Variants in PDZD8 observed in about 807,000 individuals in gnomAD.
PDZD8 encodes PDZ domain containing 8.
Under a neutral mutation model 85.8 loss-of-function variants are expected in PDZD8, and 14 were observed. The observed-to-expected ratio is 0.16, with a 90% confidence interval of 0.11 to 0.26. The LOEUF is 0.26. Ranked by LOEUF, PDZD8 falls within the 10% of genes least tolerant of loss-of-function variation. The probability of loss-of-function intolerance (pLI) is 1.00; values close to 1 mark genes in which losing one functional copy is unlikely to be tolerated. For missense variants in PDZD8, 1,197 were observed against 1,424.3 expected, an observed-to-expected ratio of 0.84 and a Z score of 2.57; for synonymous variants, 592 against 568.6, an observed-to-expected ratio of 1.04 and a Z score of -0.59.
chr10:117,309,863 T>C (rs1226636588), intron 3 of PDZD8, among the ~76,000 whole-genome samples: 1 of 152,112 alleles, frequency 6.6e-6, no homozygotes, highest in Non-Finnish European at 1.5e-5. Context: ...TGAAACGGGT[T>C]TGGGGACTCT....
intron 4 of PDZD8, among the ~76,000 whole-genome samples, chr10:117,289,752 T>C (rs1284627685): frequency 6.6e-6 from 1 of 152,204 alleles, no homozygotes; most frequent in Non-Finnish European, 1.5e-5. Context: ...GGAATGTTGG[T>C]TCTTCTGCTC....
intron 3 of PDZD8, among the ~76,000 whole-genome samples, chr10:117,292,252 A>C (rs1433958042): frequency 6.6e-6 from 1 of 152,196 alleles, no homozygotes; most frequent in Non-Finnish European, 1.5e-5. Flanking sequence ...AAAGGTTTAC[A>C]AAACACAAAG....
intron 3 of PDZD8, among the ~76,000 whole-genome samples, chr10:117,291,044 AT>A (rs1211174700): frequency 6.6e-6 from 1 of 150,548 alleles, no homozygotes; most frequent in Non-Finnish European, 1.5e-5. Context: ...AAGTTTTTGT[AT>A]TTTTTTGTGT....
chr10:117,359,197 T>C (rs1228282764), intron 1 of PDZD8, among the ~76,000 whole-genome samples: 1 of 152,018 alleles, frequency 6.6e-6, no homozygotes, highest in African/African-American at 2.4e-5. Context: ...AGTGGATGGA[T>C]TGAGCCCAGG....
chr10:117,309,712 C>A (rs1428868544), intron 3 of PDZD8, among the ~76,000 whole-genome samples: 1 of 152,138 alleles, frequency 6.6e-6, no homozygotes, highest in African/African-American at 2.4e-5. Flanking sequence ...TTATCCATTG[C>A]TGCCAGGTTC....
At chr10:117,294,476 G>A (rs75331664) in intron 3 of PDZD8, among the ~76,000 whole-genome samples, 2,069 of 152,146 alleles carry the variant, frequency 0.014, 47 homozygotes, top group African/African-American at 0.046. Flanking sequence ...AATAGAACTA[G>A]CAATGATCCA....
chr10:117,368,841 T>C (rs964601407), intron 1 of PDZD8, among the ~76,000 whole-genome samples: 3 of 149,920 alleles, frequency 2.0e-5, no homozygotes, highest in African/African-American at 7.4e-5. Flanking sequence ...TTCAACATTA[T>C]ATTGACAATG....
At chr10:117,371,568 C>G (rs910593045) in intron 1 of PDZD8, among the ~76,000 whole-genome samples, 8 of 152,168 alleles carry the variant, frequency 5.3e-5, no homozygotes, top group Admixed American at 5.2e-4. Context: ...CATCGTCATA[C>G]TTGCTATTTT....
At chr10:117,333,218 C>G (rs1844460794) in intron 2 of PDZD8, among the ~76,000 whole-genome samples, 1 of 150,768 alleles carries the variant, frequency 6.6e-6, no homozygotes, top group Admixed American at 6.6e-5. Context: ...ATTCAAATTC[C>G]AGTGGTACTG....
chr10:117,290,223 T>C lies in PDZD8; in HGVS notation c.1224A>G (p.Ala408=). 2 of 1,614,092 alleles carry C rather than the reference T, an allele frequency of 1.2e-6. No individual in the cohort carries two copies. Among genetic ancestry groups the C allele is most frequent in the South Asian group, 1.1e-5 (1 of 91,058 alleles). The change falls in exon 4 of 5, where the codon GCA becomes GCG. Residue 408 remains alanine, a synonymous_variant. Transcript: ENST00000334464. ...TAAGTCGATCTCCCCGCTGAAGATC[T>C]GCAATTGCAGCAGGCGAGTTTGGAG... ...TVAPNSPAAI[A]DLQRGDRLIA...
intron 2 of PDZD8, among the ~76,000 whole-genome samples, chr10:117,337,285 T>C (rs1382289426): frequency 6.6e-6 from 1 of 152,094 alleles, no homozygotes; most frequent in Non-Finnish European, 1.5e-5. Flanking sequence ...AATTATAAAT[T>C]TAAAAATAAT....
rs1844619438 is a variant in PDZD8, at chr10:117,284,347, A to G, written c.2386T>C (p.Leu796=). 6.2e-7 allele frequency: 1 copy of G among 1,614,018 alleles called. No homozygotes were observed. Among genetic ancestry groups the G allele is most frequent in the East Asian group, 2.2e-5 (1 of 44,894 alleles). ...YGDITIHFKY[L]KEGESDHHVV... is the part of the protein sequence containing the mutation. Reference sequence around the variant, plus strand: ...TGGTGGTCTGATTCTCCTTCTTTCAAATATTTGAAGTGAATAGTAATGTCA... The same window carrying G: ...TGGTGGTCTGATTCTCCTTCTTTCAGATATTTGAAGTGAATAGTAATGTCA... Residue 796 remains leucine, a synonymous_variant, in exon 5 of 5, where the codon TTG becomes CTG. Transcript: ENST00000334464.
intron 1 of PDZD8, among the ~76,000 whole-genome samples, chr10:117,363,552 A>C (rs1472079965): frequency 1.3e-5 from 2 of 152,188 alleles, no homozygotes; most frequent in African/African-American, 4.8e-5. Context: ...ATTTCTAAAA[A>C]GTAGTTAGGT....
chr10:117,348,998 A>G (rs1844754843), intron 1 of PDZD8, among the ~76,000 whole-genome samples: 1 of 152,218 alleles, frequency 6.6e-6, no homozygotes, highest in African/African-American at 2.4e-5. Flanking sequence ...ATCGCAAATC[A>G]TTTTCTCATT....
At chr10:117,288,528 G>A (rs963829642) in intron 4 of PDZD8, among the ~76,000 whole-genome samples, 1 of 152,058 alleles carries the variant, frequency 6.6e-6, no homozygotes, top group African/African-American at 2.4e-5. Context: ...TATTATTTGA[G>A]ATGGAGTTTC....
At chr10:117,301,701 T>C (rs1049048312) in intron 3 of PDZD8, among the ~76,000 whole-genome samples, 3 of 152,234 alleles carry the variant, frequency 2.0e-5, no homozygotes, top group East Asian at 1.9e-4. Flanking sequence ...AAGAAGGCTG[T>C]TGAAGATCTA....
rs1844860061 is a variant in PDZD8, at chr10:117,354,527, C to T, written c.873-13425G>A. ...CCATCTCCCTATGTCTAAAGCTAAA[C>T]TATTCTGTAAGTTACCTCAAATACC... On this transcript the variant is annotated intron_variant, in intron 1 of 4. Transcript: ENST00000334464. Among the ~76,000 whole-genome samples, 4 of 152,128 alleles carry T rather than the reference C, an allele frequency of 2.6e-5. No homozygotes were observed. The South Asian group carries it at 8.3e-4, about 31-fold the overall frequency.
chr10:117,305,282 C>A (rs1001444077), intron 3 of PDZD8, among the ~76,000 whole-genome samples: 1 of 151,822 alleles, frequency 6.6e-6, no homozygotes, highest in Non-Finnish European at 1.5e-5. Flanking sequence ...CATGGTAGTG[C>A]GTGCCAGTAA....
chr10:117,321,761 A>G (rs1022618740), intron 2 of PDZD8, among the ~76,000 whole-genome samples: 1 of 152,164 alleles, frequency 6.6e-6, no homozygotes, highest in African/African-American at 2.4e-5. Flanking sequence ...AAAAGATGTA[A>G]TAATAAATGA....
Sources: gnomAD v4.1 joint callset for allele counts (sites outside exome capture counted in the v4.1 genomes callset) on GRCh38, gnomAD v4.1.1 for gene constraint, MANE v1.5 for transcripts, NCBI Gene and HGNC (gene_info 2026-07-23, HGNC 2026-07-21) for gene names.